CSMD1: variants seen among roughly 807,000 people sequenced by gnomAD.
The protein encoded by CSMD1 is CUB and Sushi multiple domains 1, also known as CUB and sushi domain-containing protein 1.
In CSMD1, 213 loss-of-function variants were observed where a neutral mutation model predicts 417.5. The observed-to-expected ratio is 0.51, with a 90% CI of 0.46 to 0.57. The LOEUF (loss-of-function observed/expected upper bound fraction) is 0.57. CSMD1 is among the 20% of genes least tolerant of loss of function. CSMD1 has a pLI of 0.00. For synonymous variants in CSMD1, 2,862 were observed against 1,736.8 expected (o/e 1.65, Z -16.11); for missense variants, 6,923 against 4,529.7 (o/e 1.53, Z -15.17).
At chr8:4,971,591 C>T (rs1366844281) in intron 1 of CSMD1, among the ~76,000 whole-genome samples, 1 of 151,842 alleles carries the variant, frequency 6.6e-6, no homozygotes, top group African/African-American at 2.4e-5. Context: ...GTTTACCACA[C>T]ATTCAAAGAC....
chr8:4,049,474 T>C (rs770883910), intron 3 of CSMD1, among the ~76,000 whole-genome samples: 2 of 151,746 alleles, frequency 1.3e-5, no homozygotes, highest in African/African-American at 4.8e-5. Flanking sequence ...GGCATTCAAA[T>C]ACCATGCATA....
chr8:2,980,315 T>TCTCCTCCTC (rs146468031), intron 54 of CSMD1, among the ~76,000 whole-genome samples: 11 of 148,868 alleles, frequency 7.4e-5, no homozygotes, highest in African/African-American at 2.2e-4. Flanking sequence ...TGCCACCATT[T>TCTCCTCCTC]CTCCTCCTCC....
chr8:4,880,308 AT>A, intron 1 of CSMD1, among the ~76,000 whole-genome samples: 1 of 152,222 alleles, frequency 6.6e-6, no homozygotes. Context: ...CACCACCTTG[AT>A]TCCACTGCAA....
At chr8:4,640,236 A>G (rs1249551344) in intron 1 of CSMD1, among the ~76,000 whole-genome samples, 1 of 152,232 alleles carries the variant, frequency 6.6e-6, no homozygotes, top group Admixed American at 6.5e-5. Flanking sequence ...AGCACCGGTT[A>G]GAAATTTTGG....
chr8:3,186,125 A>G (rs1821740572), intron 36 of CSMD1, among the ~76,000 whole-genome samples: 2 of 151,026 alleles, frequency 1.3e-5, no homozygotes, highest in African/African-American at 2.4e-5. Flanking sequence ...TTATTTATAT[A>G]ATTACATTAA....
intron 3 of CSMD1, among the ~76,000 whole-genome samples, chr8:4,125,250 C>T (rs1802695734): frequency 6.6e-6 from 1 of 152,222 alleles, no homozygotes. Flanking sequence ...GCCTCCCATT[C>T]TATTCGAAGT....
intron 2 of CSMD1, among the ~76,000 whole-genome samples, chr8:4,481,944 G>C (rs1476259290): frequency 6.6e-6 from 1 of 152,008 alleles, no homozygotes; most frequent in East Asian, 1.9e-4. Context: ...CAGAAGCCTG[G>C]CTTTATGATC....
At chr8:4,183,635 C>G (rs1007209235) in intron 3 of CSMD1, among the ~76,000 whole-genome samples, 1 of 152,100 alleles carries the variant, frequency 6.6e-6, no homozygotes, top group Non-Finnish European at 1.5e-5. Flanking sequence ...AATTGATAAG[C>G]ACAATTTTAA....
At chr8:4,471,748 G>A (rs553568456) in intron 2 of CSMD1, among the ~76,000 whole-genome samples, 9 of 149,960 alleles carry the variant, frequency 6.0e-5, no homozygotes, top group South Asian at 2.1e-4. Flanking sequence ...AAAGAAGTTA[G>A]ACCCATTTCT....
intron 6 of CSMD1, among the ~76,000 whole-genome samples, chr8:3,734,343 G>A (rs1439689919): frequency 6.6e-6 from 1 of 152,184 alleles, no homozygotes; most frequent in Non-Finnish European, 1.5e-5. Flanking sequence ...AGACTGATGA[G>A]GGCTGTTCGA....
chr8:4,744,661 A>C (rs1810833749), intron 1 of CSMD1, among the ~76,000 whole-genome samples: 1 of 152,158 alleles, frequency 6.6e-6, no homozygotes, highest in East Asian at 1.9e-4. Flanking sequence ...TTTGAAAATG[A>C]CCAGTCTCTG....
At chr8:3,983,474 T>C (rs757723648) in intron 5 of CSMD1, among the ~76,000 whole-genome samples, 9 of 152,118 alleles carry the variant, frequency 5.9e-5, no homozygotes, top group Non-Finnish European at 1.2e-4. Flanking sequence ...CCAGGGTAGA[T>C]ATCAAGTCAT....
chr8:4,936,098 G>A (rs1021102307), intron 1 of CSMD1, among the ~76,000 whole-genome samples: 2 of 152,166 alleles, frequency 1.3e-5, no homozygotes, highest in African/African-American at 2.4e-5. Flanking sequence ...AGGAGTGGAG[G>A]TAATTACAGT....
At chr8:3,881,178 A>G (rs1051324942) in intron 5 of CSMD1, among the ~76,000 whole-genome samples, 2 of 152,156 alleles carry the variant, frequency 1.3e-5, no homozygotes, top group African/African-American at 4.8e-5. Flanking sequence ...AATATTTTAA[A>G]GATGGCAATT....
chr8:3,319,326 A>G (rs940881177), intron 23 of CSMD1, among the ~76,000 whole-genome samples: 1 of 152,224 alleles, frequency 6.6e-6, no homozygotes, highest in African/African-American at 2.4e-5. Context: ...CAGAGTCTTC[A>G]TGGCAAAGTA....
chr8:4,942,230 T>G (rs902597962), intron 1 of CSMD1, among the ~76,000 whole-genome samples: 1 of 152,140 alleles, frequency 6.6e-6, no homozygotes, highest in Non-Finnish European at 1.5e-5. Flanking sequence ...CAGGCTTCAC[T>G]CTTATTTTTT....
At position 4,789,826 on chromosome 8, in the gene CSMD1, T is replaced by C. The variant is rs185816678; in HGVS notation, c.86-152268A>G. Among the ~76,000 whole-genome samples the C allele has an allele frequency of 3.9e-5, 6 of 152,342 alleles. No homozygotes were observed. In the East Asian group the frequency reaches 1.2e-3, roughly 29 times the overall value. ...ATTTTGGTTCTTGCTATTTTGTTTATGGAAAATAAGTCTAACTTTCTTAAT... is the reference window on the plus strand; with the variant it reads ...ATTTTGGTTCTTGCTATTTTGTTTACGGAAAATAAGTCTAACTTTCTTAAT... On this transcript the variant is annotated intron_variant, in intron 1 of 69. Coordinates refer to ENST00000635120, the MANE Select transcript of CSMD1 (RefSeq NM_033225.6).
intron 65 of CSMD1, 80 bp from the exon 66 acceptor site, chr8:2,951,355 C>T (rs1802617228): frequency 7.1e-7 from 1 of 1,399,530 alleles, no homozygotes; most frequent in African/African-American, 1.4e-5. Context: ...CAGAAGGCAT[C>T]ATACTGCTTA....
chr8:4,467,330 C>T (rs1031782785), intron 2 of CSMD1, among the ~76,000 whole-genome samples: 1 of 152,044 alleles, frequency 6.6e-6, no homozygotes, highest in African/African-American at 2.4e-5. Context: ...ATTTAATTGA[C>T]CCATTACTGA....
Sources: gnomAD v4.1 joint callset for allele counts (sites outside exome capture counted in the v4.1 genomes callset) on GRCh38, gnomAD v4.1.1 for gene constraint, MANE v1.5 for transcripts, NCBI Gene and HGNC (gene_info 2026-07-23, HGNC 2026-07-21) for gene names.